The following SEZ6L variants were observed in gnomAD, a reference collection of about 807,000 sequenced individuals.
The protein encoded by SEZ6L is seizure related 6 homolog like.
Under a neutral mutation model 106.2 loss-of-function variants are expected in SEZ6L, and 37 were observed. The observed-to-expected ratio is 0.35, with a 90% confidence interval of 0.27 to 0.46. The LOEUF (loss-of-function observed/expected upper bound fraction) is 0.46, where lower values mean the gene tolerates loss of function less well. Ranked by LOEUF, SEZ6L falls within the 20% of genes least tolerant of loss-of-function variation. SEZ6L has a pLI of 1.00. For synonymous variants in SEZ6L, 541 were observed against 570.4 expected, an observed-to-expected ratio of 0.95 and a Z score of 0.73; for missense variants, 1,172 against 1,332.8, an observed-to-expected ratio of 0.88 and a Z score of 1.88.
chr22:26,371,833 G>C (rs929394082), intron 13 of SEZ6L, among the ~76,000 whole-genome samples: 1 of 152,226 alleles, frequency 6.6e-6, no homozygotes, highest in East Asian at 1.9e-4. Flanking sequence ...GCTCTCAGGA[G>C]ACCCCTGCAC....
chr22:26,272,397 T>G (rs2080397638), intron 1 of SEZ6L, among the ~76,000 whole-genome samples: 1 of 152,202 alleles, frequency 6.6e-6, no homozygotes, highest in Non-Finnish European at 1.5e-5. Flanking sequence ...ACTTTGGATG[T>G]TGGACCCCAA....
intron 1 of SEZ6L, among the ~76,000 whole-genome samples, chr22:26,224,162 C>G (rs1413722520): frequency 1.3e-5 from 2 of 152,170 alleles, no homozygotes; most frequent in Non-Finnish European, 2.9e-5. Flanking sequence ...TTCTAGGAGT[C>G]TGTAAATCAT....
intron 1 of SEZ6L, chr22:26,241,280 G>A (rs1420650152): frequency 6.6e-6 from 1 of 152,144 alleles, no homozygotes; most frequent in Non-Finnish European, 1.5e-5. Flanking sequence ...GATCAGAAGA[G>A]GAATGGATCG....
chr22:26,371,682 C>G (rs655986), intron 13 of SEZ6L, among the ~76,000 whole-genome samples: 97,970 of 150,646 alleles, frequency 0.65, 32,717 homozygotes, highest in East Asian at 0.98. Context: ...AAAAAAAACA[C>G]GAAAAGATAA....
intron 1 of SEZ6L, among the ~76,000 whole-genome samples, chr22:26,208,137 G>A (rs1347991587): frequency 1.3e-5 from 2 of 151,682 alleles, no homozygotes; most frequent in Non-Finnish European, 2.9e-5. Flanking sequence ...GGATGGTCTC[G>A]ATCTCCTGAC....
At chr22:26,269,874 G>T (rs545334950) in intron 1 of SEZ6L, among the ~76,000 whole-genome samples, 1 of 152,300 alleles carries the variant, frequency 6.6e-6, no homozygotes, top group East Asian at 1.9e-4. Flanking sequence ...TGGCCAATGA[G>T]TTGTCATTCT....
intron 1 of SEZ6L, among the ~76,000 whole-genome samples, chr22:26,229,005 T>C (rs956823834): frequency 6.6e-6 from 1 of 152,190 alleles, no homozygotes; most frequent in Non-Finnish European, 1.5e-5. Context: ...AAACTGTACT[T>C]TGTGTTTTTT....
chr22:26,341,538 G>C (rs542988180), intron 10 of SEZ6L, among the ~76,000 whole-genome samples: 5 of 152,040 alleles, frequency 3.3e-5, no homozygotes, highest in Non-Finnish European at 7.3e-5. Context: ...ACCAATATCC[G>C]TTGACCGGTT....
chr22:26,350,280 T>A (rs2083232544), intron 11 of SEZ6L, among the ~76,000 whole-genome samples: 1 of 151,674 alleles, frequency 6.6e-6, no homozygotes, highest in Non-Finnish European at 1.5e-5. Flanking sequence ...CAGGCTGGAG[T>A]GCAGTGGTGC....
intron 1 of SEZ6L, among the ~76,000 whole-genome samples, chr22:26,218,550 T>C (rs2078362992): frequency 6.6e-6 from 1 of 152,224 alleles, no homozygotes; most frequent in Non-Finnish European, 1.5e-5. Context: ...GCCTATAATC[T>C]TAGCAATTTG....
intron 1 of SEZ6L, among the ~76,000 whole-genome samples, chr22:26,276,341 G>T (rs1218743907): frequency 6.6e-6 from 1 of 152,210 alleles, no homozygotes; most frequent in African/African-American, 2.4e-5. Flanking sequence ...CAACTTGGGG[G>T]CAAAGCCAGT....
intron 10 of SEZ6L, among the ~76,000 whole-genome samples, chr22:26,341,679 C>A (rs1288861613): frequency 6.6e-6 from 1 of 152,172 alleles, no homozygotes; most frequent in African/African-American, 2.4e-5. Flanking sequence ...TCCTACCCAC[C>A]ACCACCACTA....
At chr22:26,199,098 T>A (rs1350315990) in intron 1 of SEZ6L, among the ~76,000 whole-genome samples, 1 of 152,144 alleles carries the variant, frequency 6.6e-6, no homozygotes, top group African/African-American at 2.4e-5. Context: ...CTTCTGCCCA[T>A]TGAGAAGATG....
intron 1 of SEZ6L, 112 bp from the exon 2 acceptor site, chr22:26,292,294 C>T (rs1446448466): frequency 1.2e-5 from 9 of 766,596 alleles, no homozygotes; most frequent in Admixed American, 2.8e-5. Flanking sequence ...GTTTAGAGGC[C>T]AGCCGGACGA....
At chr22:26,317,846 G>A (rs2082047845) in intron 9 of SEZ6L, among the ~76,000 whole-genome samples, 2 of 151,940 alleles carry the variant, frequency 1.3e-5, no homozygotes, top group Non-Finnish European at 2.9e-5. Flanking sequence ...AGCAGCCCTG[G>A]ACCCAGCACC....
intron 1 of SEZ6L, among the ~76,000 whole-genome samples, chr22:26,181,374 A>G (rs1380991116): frequency 2.6e-5 from 4 of 152,220 alleles, no homozygotes; most frequent in Non-Finnish European, 5.9e-5. Flanking sequence ...CAGAGTGGAA[A>G]GCTAACTTGG....
At chr22:26,297,216 G>A (rs1338846999) in intron 4 of SEZ6L, 136 bp downstream of exon 4, 5 of 576,272 alleles carry the variant, frequency 8.7e-6, no homozygotes, top group Non-Finnish European at 1.4e-5. Context: ...TCAGAATAAT[G>A]TTTTTAAAAG....
intron 12 of SEZ6L, among the ~76,000 whole-genome samples, chr22:26,352,504 T>G (rs1266948232): frequency 6.6e-6 from 1 of 152,224 alleles, no homozygotes; most frequent in African/African-American, 2.4e-5. Flanking sequence ...TGAGTAACAC[T>G]GTGTACAATT....
At position 26,372,952 on chromosome 22, in the gene SEZ6L, G is replaced by T. The variant is rs79322756; in HGVS notation, c.2795-499G>T. 6.9e-3 allele frequency among the ~76,000 whole-genome samples: 1,045 copies of T among 152,282 alleles called. 13 individuals are homozygous for T. The highest frequency in any genetic ancestry group is 0.024 in the African/African-American group (1,001 of 41,548). ...AATTCATTCGTGCTTTGCCCCACAT[G>T]AAAATGATGAAAAGACCCTAACCAC... is the stretch of plus-strand genomic sequence containing the variant. On this transcript the variant is annotated intron_variant, in intron 13 of 16. Coordinates refer to ENST00000248933, the MANE Select transcript of SEZ6L (RefSeq NM_021115.5).
Sources: allele counts gnomAD v4.1 joint callset (sites outside exome capture counted in the v4.1 genomes callset), GRCh38; gene constraint gnomAD v4.1.1; transcripts MANE v1.5; gene names NCBI Gene and HGNC (gene_info 2026-07-23, HGNC 2026-07-21).